Variants in CACNA1S observed in about 807,000 individuals in gnomAD.
CACNA1S encodes the protein calcium voltage-gated channel subunit alpha1 S.
Under a neutral mutation model 207.4 loss-of-function variants are expected in CACNA1S, and 126 were observed. That is an observed-to-expected ratio of 0.61 (90% CI 0.53 to 0.70). CACNA1S has a LOEUF of 0.70. Among genes scored for constraint, CACNA1S ranks in the 30% least tolerant of loss-of-function variants. The probability of loss-of-function intolerance (pLI) is 0.00; values close to 1 mark genes in which losing one functional copy is unlikely to be tolerated. For synonymous variants in CACNA1S, 960 were observed against 932.7 expected (o/e 1.03, Z -0.53); for missense variants, 2,349 against 2,422.8 (o/e 0.97, Z 0.64).
At chr1:201,054,691 G>C in intron 28 of CACNA1S, 130 bp from the exon 29 acceptor site, 1 of 344,384 alleles carries the variant, frequency 2.9e-6, no homozygotes, top group South Asian at 2.3e-5. Context: ...AGAGGCAGGG[G>C]CTAAAGACCC....
chr1:201,051,410 G>C (rs1169718516), intron 32 of CACNA1S, among the ~76,000 whole-genome samples: 2 of 152,166 alleles, frequency 1.3e-5, no homozygotes, highest in African/African-American at 4.8e-5. Context: ...AGTTACTAGA[G>C]GGATGCACTG....
In CACNA1S at chr1:201,062,043, A is replaced by G; in HGVS notation, c.2954T>C (p.Leu985Pro). The change falls in exon 24 of 44, where the codon CTG (leucine) becomes CCG (proline). Residue 985 changes from leucine (L) to proline (P), a missense_variant. Transcript: ENST00000362061. The stretch of plus-strand genomic sequence containing the variant: ...GCTGTGTACCCACTCGCGGTGACGC[A>G]GCTCTATCTGCATGGGGTCCCCGTC... Reference protein sequence around the residue: ...YKDGDPMQIELRHREWVHSDF... With the variant: ...YKDGDPMQIEPRHREWVHSDF... 8 of 1,614,166 alleles carry G rather than the reference A, an allele frequency of 5.0e-6. No homozygotes were observed. Among genetic ancestry groups the G allele is most frequent in the Non-Finnish European group, 6.8e-6 (8 of 1,179,988 alleles).
intron 3 of CACNA1S, among the ~76,000 whole-genome samples, chr1:201,093,484 C>T (rs1380452207): frequency 6.6e-6 from 1 of 152,182 alleles, no homozygotes; most frequent in Admixed American, 6.5e-5. Context: ...AATAAATGTC[C>T]GTTTTTGTGA....
intron 2 of CACNA1S, among the ~76,000 whole-genome samples, chr1:201,108,519 C>T (rs57226052): frequency 0.12 from 17,709 of 152,162 alleles, 1,070 homozygotes; most frequent in Middle Eastern, 0.15. Flanking sequence ...AGACCTAGAG[C>T]TCTCCCTGCA....
intron 32 of CACNA1S, among the ~76,000 whole-genome samples, chr1:201,051,984 G>A (rs182649548): frequency 5.1e-4 from 77 of 152,310 alleles, no homozygotes; most frequent in Admixed American, 2.5e-3. Flanking sequence ...GGCCCTGGGT[G>A]TGGGTGTCCC....
At position 201,039,712 on chromosome 1, in the gene CACNA1S, C is replaced by A; in HGVS notation, c.*119G>T. The A allele has an allele frequency of 1.4e-6, 2 of 1,380,550 alleles. No homozygotes were observed. Among genetic ancestry groups the A allele is most frequent in the Non-Finnish European group, 2.0e-6 (2 of 987,926 alleles). 85.5% of individuals were successfully genotyped at this position (1,380,550 alleles called of 1,614,324 possible). On this transcript the variant is annotated 3_prime_UTR_variant, in exon 44 of 44. Coordinates refer to ENST00000362061, the MANE Select transcript of CACNA1S (RefSeq NM_000069.3). ...CCTGACCACCCTGCCTCAGGCCATG[C>A]ATCTAGCTGCTGAGAGGGAGGGAGG...
At position 201,053,181 on chromosome 1, in the gene CACNA1S, C is replaced by A. The variant is rs755467923; in HGVS notation, c.3861+28G>T. On this transcript the variant is annotated intron_variant, in intron 31 of 43. Transcript: ENST00000362061. The surrounding 1 kb of genome is among the most constrained non-coding windows in gnomAD (Gnocchi z 5.1). ...CCCTCTAACTTGGCCAAGATCCATG[C>A]TTTGGCCTGGGCCCGCCTGCCTCTC... 2.5e-6 allele frequency: 4 copies of A among 1,613,756 alleles called. No individual in the cohort carries two copies. The East Asian group carries it at 8.9e-5, about 36-fold the overall frequency.
chr1:201,050,486 C>T lies in CACNA1S; in HGVS notation c.4144G>A (p.Asp1382Asn), dbSNP rs1205623255. 1 of 1,613,948 alleles carries T rather than the reference C, an allele frequency of 6.2e-7. No homozygotes were observed. The highest frequency in any genetic ancestry group is 2.2e-5 in the East Asian group (1 of 44,884). The change falls in exon 34 of 44, where the codon GAC (aspartate) becomes AAC (asparagine). Residue 1382 changes from aspartate to asparagine, a missense_variant. Transcript: ENST00000362061. ...VINLFVAVIM[D>N]NFDYLTRDWS... ...TCCCGGGTGAGGTAGTCAAAATTGT[C>T]CATGATGACAGCCACAAAGAGGTTG...
chr1:201,078,899 G>A (rs1273674356), intron 10 of CACNA1S, among the ~76,000 whole-genome samples: 1 of 151,958 alleles, frequency 6.6e-6, no homozygotes, highest in Non-Finnish European at 1.5e-5. Flanking sequence ...GAGGCGGGTG[G>A]ATCACAAGGT....
At chr1:201,106,362 C>T (rs1572075260) in intron 2 of CACNA1S, among the ~76,000 whole-genome samples, 1 of 152,166 alleles carries the variant, frequency 6.6e-6, no homozygotes, top group East Asian at 1.9e-4. Flanking sequence ...CCACATGGGG[C>T]CTGAGAGATT....
At chr1:201,058,722 G>A (rs915047549) in intron 27 of CACNA1S, among the ~76,000 whole-genome samples, 2 of 152,226 alleles carry the variant, frequency 1.3e-5, no homozygotes, top group Admixed American at 6.5e-5. Context: ...AGTAGTGGTG[G>A]GGGGGAGGGG....
Position 201,052,651 on chromosome 1 carries a change from G to A in CACNA1S, c.3862-3C>T. 1 of 1,612,224 alleles carries A rather than the reference G, an allele frequency of 6.2e-7. No homozygotes were observed. ...ACCAAGGCGATCTTCCCAAACATCT[G>A]CAAGTCACAAAGGGCCCTGACTGTG... On this transcript the variant is annotated splice_polypyrimidine_tract_variant and splice_region_variant and intron_variant, in intron 31 of 43. Coordinates refer to ENST00000362061, the MANE Select transcript of CACNA1S (RefSeq NM_000069.3).
intron 22 of CACNA1S, among the ~76,000 whole-genome samples, chr1:201,064,378 G>C (rs765830363): frequency 6.6e-6 from 1 of 152,188 alleles, no homozygotes; most frequent in African/African-American, 2.4e-5. Flanking sequence ...CCAGGACAGG[G>C]ACCAACAAGA....
chr1:201,077,852 G>A (rs2102143752), intron 11 of CACNA1S, 27 bp downstream of exon 11: 2 of 1,549,274 alleles, frequency 1.3e-6, no homozygotes, highest in Non-Finnish European at 1.8e-6. Flanking sequence ...CGGGGACCCG[G>A]GAGTGCCAGC....
intron 22 of CACNA1S, among the ~76,000 whole-genome samples, chr1:201,064,226 G>A (rs1661161961): frequency 6.6e-6 from 1 of 152,190 alleles, no homozygotes; most frequent in Admixed American, 6.5e-5. Context: ...CTGCCCTCAG[G>A]GGATTCTGGG....
At chr1:201,062,377 C>T in intron 23 of CACNA1S, 85 bp downstream of exon 23, 3 of 1,356,210 alleles carry the variant, frequency 2.2e-6, no homozygotes, top group Non-Finnish European at 1.1e-6. Context: ...TGACCGTAAC[C>T]CTCCCACAGT....
At chr1:201,084,122 TA>T (rs1336720553) in intron 9 of CACNA1S, among the ~76,000 whole-genome samples, 1 of 152,008 alleles carries the variant, frequency 6.6e-6, no homozygotes, top group Non-Finnish European at 1.5e-5. Flanking sequence ...TAAAAAAAGG[TA>T]AGTAACTAGA....
Position 201,066,304 on chromosome 1 carries a change from G to T in CACNA1S, c.2670C>A (p.Ile890=). 6.2e-7 allele frequency: 1 copy of T among 1,611,652 alleles called. No individual in the cohort carries two copies. Reference sequence around the variant, plus strand: ...GCACCCTCAGGATCTTCACCACGGAGATGGCACTGGACCTGGGGGGCGGCA... The same window carrying T: ...GCACCCTCAGGATCTTCACCACGGATATGGCACTGGACCTGGGGGGCGGCA... ...LISMGLESSA[I]SVVKILRVLR... Residue 890 remains isoleucine (I), a synonymous_variant, in exon 21 of 44, where the codon ATC becomes ATA. Coordinates refer to ENST00000362061, the MANE Select transcript of CACNA1S (RefSeq NM_000069.3). This position sits in a 1 kb window ranked among gnomAD's most constrained non-coding sequence, Gnocchi z 4.3.
intron 6 of CACNA1S, among the ~76,000 whole-genome samples, chr1:201,088,260 T>C (rs1185763864): frequency 6.6e-6 from 1 of 152,172 alleles, no homozygotes; most frequent in Non-Finnish European, 1.5e-5. Context: ...AGTTGATTTA[T>C]TTAAAGCCAA....
Sources: allele counts gnomAD v4.1 joint callset (sites outside exome capture counted in the v4.1 genomes callset), GRCh38; gene constraint gnomAD v4.1.1; non-coding constraint Gnocchi (gnomAD v3.1); transcripts MANE v1.5; gene names NCBI Gene and HGNC (gene_info 2026-07-23, HGNC 2026-07-21).